FBXO3: variants seen among roughly 807,000 people sequenced by gnomAD.
FBXO3 encodes F-box protein 3, also known as F-box only protein 3.
Under a neutral mutation model 64.8 loss-of-function variants are expected in FBXO3, and 17 were observed. The ratio of observed to expected loss-of-function variants is 0.26; its 90% CI spans 0.18 to 0.39. FBXO3 has a LOEUF of 0.39. Among genes scored for constraint, FBXO3 ranks in the 10% least tolerant of loss-of-function variants. The probability of loss-of-function intolerance (pLI) is 1.00; values close to 1 mark genes in which losing one functional copy is unlikely to be tolerated. For missense variants in FBXO3, 420 were observed against 589.9 expected, an observed-to-expected ratio of 0.71 and a Z score of 2.98; for synonymous variants, 182 against 201.6, an observed-to-expected ratio of 0.90 and a Z score of 0.82.
intron 10 of FBXO3, chr11:33,742,758 A>G (rs1854717192): frequency 6.6e-6 from 1 of 152,074 alleles, no homozygotes; most frequent in African/African-American, 2.4e-5. Flanking sequence ...TTTCAATTCA[A>G]CCATCAGTAG....
intron 3 of FBXO3, among the ~76,000 whole-genome samples, chr11:33,762,406 T>G (rs1855265070): frequency 6.6e-6 from 1 of 152,070 alleles, no homozygotes; most frequent in South Asian, 2.1e-4. Context: ...ACAGAATAAG[T>G]CCTAACAAAT....
At chr11:33,769,915 TA>T (rs1362649926) in intron 2 of FBXO3, among the ~76,000 whole-genome samples, 19 of 149,314 alleles carry the variant, frequency 1.3e-4, no homozygotes, top group African/African-American at 4.7e-4. Context: ...TTTATTAATC[TA>T]AATAATATAC....
chr11:33,741,905 T>G lies in FBXO3; in HGVS notation c.*3A>C. On this transcript the variant is annotated 3_prime_UTR_variant, in exon 11 of 11. Coordinates refer to ENST00000265651, the MANE Select transcript of FBXO3 (RefSeq NM_012175.4). Reference sequence around the variant, plus strand: ...CCTAGTGCTTCCATCAGCAGAAGGCTTGCTAAAAAAGGCGTGAGCAGCGGC... The same window carrying G: ...CCTAGTGCTTCCATCAGCAGAAGGCGTGCTAAAAAAGGCGTGAGCAGCGGC... The G allele has an allele frequency of 6.2e-7, 1 of 1,609,884 alleles. No individual in the cohort carries two copies. The highest frequency in any genetic ancestry group is 8.5e-7 in the Non-Finnish European group (1 of 1,178,058).
At chr11:33,754,425 A>AG in intron 6 of FBXO3, 30 bp downstream of exon 6, 9 of 1,547,904 alleles carry the variant, frequency 5.8e-6, no homozygotes, top group African/African-American at 1.4e-5. Flanking sequence ...AAGAAGAAGA[A>AG]GGGGGAAAAA....
chr11:33,761,183 G>A (rs1344632853), intron 3 of FBXO3, among the ~76,000 whole-genome samples: 1 of 152,028 alleles, frequency 6.6e-6, no homozygotes, highest in South Asian at 2.1e-4. Context: ...ACATAATTAA[G>A]AAGATTACAG....
intron 4 of FBXO3, 64 bp downstream of exon 4, chr11:33,758,423 A>T: frequency 8.2e-7 from 1 of 1,221,144 alleles, no homozygotes; most frequent in Non-Finnish European, 1.2e-6. Context: ...AATACAATTT[A>T]TTTACTTTCA....
At chr11:33,765,472 A>G (rs1190680008) in intron 3 of FBXO3, among the ~76,000 whole-genome samples, 1 of 152,230 alleles carries the variant, frequency 6.6e-6, no homozygotes, top group Non-Finnish European at 1.5e-5. Flanking sequence ...AGAGACAAAA[A>G]TAGACATGGC....
intron 10 of FBXO3, chr11:33,745,509 T>A (rs1229192655): frequency 2.6e-5 from 4 of 152,064 alleles, no homozygotes; most frequent in Non-Finnish European, 4.4e-5. Flanking sequence ...ACAATAAATT[T>A]AAAAAATCGA....
rs766267700 is a variant in FBXO3, at chr11:33,768,778, C to A, written c.358+73G>T. ...CACAGTTGCGTAGATGACAGAGATT[C>A]AAAGTTGTTTAAACTAACCTATTTA... On this transcript the variant is annotated intron_variant, in intron 3 of 10. Coordinates refer to ENST00000265651, the MANE Select transcript of FBXO3 (RefSeq NM_012175.4). The A allele has an allele frequency of 5.8e-6, 9 of 1,551,232 alleles. No individual in the cohort carries two copies. In the African/African-American group the frequency reaches 1.1e-4, roughly 19 times the overall value.
At chr11:33,751,759 A>G (rs931869281) in intron 6 of FBXO3, 152 bp from the exon 7 acceptor site, 28 of 484,044 alleles carry the variant, frequency 5.8e-5, no homozygotes, top group Admixed American at 8.3e-5. Flanking sequence ...TATAAGATCA[A>G]TTTCTATTCT....
intron 3 of FBXO3, among the ~76,000 whole-genome samples, chr11:33,766,957 AG>A (rs1855385891): frequency 6.6e-6 from 1 of 150,770 alleles, no homozygotes; most frequent in Non-Finnish European, 1.5e-5. Context: ...TAGGTAGTAC[AG>A]GGAGCCTGGA....
chr11:33,742,225 A>C, intron 10 of FBXO3, 141 bp from the exon 11 acceptor site: 39 of 637,454 alleles, frequency 6.1e-5, no homozygotes, highest in Non-Finnish European at 8.6e-5. Context: ...GTGGATTCTC[A>C]CAACACACAT....
chr11:33,759,497 T>G (rs1485391232), intron 3 of FBXO3, among the ~76,000 whole-genome samples: 1 of 152,126 alleles, frequency 6.6e-6, no homozygotes, highest in Non-Finnish European at 1.5e-5. Context: ...GGAAAAAGGA[T>G]GAACTGAAAA....
rs190434712 is a variant in FBXO3 at position 33,751,073 on chromosome 11, C to T, written c.810-412G>A. ...CAGAAGCCTCTAATGTATAATCAAT[C>T]TATCATTTCTGCCAACCAGGCTATT... On this transcript the variant is annotated intron_variant, in intron 7 of 10. Coordinates refer to ENST00000265651, the MANE Select transcript of FBXO3 (RefSeq NM_012175.4). 1.6e-3 allele frequency among the ~76,000 whole-genome samples: 251 copies of T among 152,278 alleles called. 1 individual carries two copies. The highest frequency in any genetic ancestry group is 6.8e-3 in the Middle Eastern group (2 of 294).
At position 33,741,675 on chromosome 11, in the gene FBXO3, CTGACTCCTGGAAGAGAAA is replaced by C; in HGVS notation, c.*215_*232del. 2.9e-6 allele frequency: 1 copy of C among 348,126 alleles called. No homozygotes were observed. Among genetic ancestry groups the C allele is most frequent in the Non-Finnish European group, 5.1e-6 (1 of 195,120 alleles). The allele number at this position is 348,126 out of a possible 1,614,324, so 21.6% of individuals were successfully genotyped here. ...CCTTAGCTAGAGAACTATTCTTCCA[CTGACTCCTGGAAGAGAAA>C]AAAAAGATTCCCATTTCTTCCTCTA... On this transcript the variant is annotated 3_prime_UTR_variant, in exon 11 of 11. Coordinates refer to ENST00000265651, the MANE Select transcript of FBXO3 (RefSeq NM_012175.4).
chr11:33,747,645 G>A (rs1284194635), intron 9 of FBXO3, among the ~76,000 whole-genome samples: 1 of 151,774 alleles, frequency 6.6e-6, no homozygotes, highest in Non-Finnish European at 1.5e-5. Context: ...CTGAGTAACT[G>A]GGATTACAAG....
intron 5 of FBXO3, 133 bp from the exon 6 acceptor site, chr11:33,754,633 G>T: frequency 1.6e-6 from 1 of 643,584 alleles, no homozygotes; most frequent in Non-Finnish European, 2.5e-6. Context: ...TATATGGCTT[G>T]TTATCCTAGA....
rs1454030040 is a variant in FBXO3, at chr11:33,750,612, A to T, written c.859T>A (p.Ser287Thr). The T allele has an allele frequency of 6.2e-7, 1 of 1,613,784 alleles. No individual in the cohort carries two copies. The highest frequency in any genetic ancestry group is 1.7e-5 in the Admixed American group (1 of 60,002). Residue 287 changes from serine to threonine, a missense_variant, in exon 8 of 11, where the codon TCA (serine) becomes ACA (threonine). Ser to Thr is a moderately conservative substitution (Grantham distance 58). Transcript: ENST00000265651. ...CVATTGDITV[S>T]VSTSFLPELS... is the part of the protein sequence containing the mutation. The stretch of plus-strand genomic sequence containing the variant: ...TCTGGCAGAAACGATGTGGAAACTG[A>T]CACAGTAATATCCCCAGTTGTTGCT...
chr11:33,763,664 T>G (rs1034098554), intron 3 of FBXO3, among the ~76,000 whole-genome samples: 6 of 150,646 alleles, frequency 4.0e-5, no homozygotes, highest in Non-Finnish European at 8.9e-5. Flanking sequence ...AGCAAACATC[T>G]TATTTAAAGG....
Sources: gnomAD v4.1 joint callset for allele counts (sites outside exome capture counted in the v4.1 genomes callset) on GRCh38, gnomAD v4.1.1 for gene constraint, MANE v1.5 for transcripts, NCBI Gene and HGNC (gene_info 2026-07-23, HGNC 2026-07-21) for gene names.